BMF: variants seen among roughly 807,000 people sequenced by gnomAD.
BMF encodes the protein Bcl2 modifying factor, also known as bcl-2-modifying factor.
A neutral mutation model predicts 22.0 loss-of-function variants in BMF; 10 were observed. The ratio of observed to expected loss-of-function variants is 0.45; its 90% CI spans 0.28 to 0.77. The LOEUF is 0.77. Ranked by LOEUF, BMF falls within the 30% of genes least tolerant of loss-of-function variation. The pLI, the probability that BMF is intolerant of heterozygous loss-of-function variation, is 0.13. For missense variants in BMF, 206 were observed against 226.8 expected, an observed-to-expected ratio of 0.91 and a Z score of 0.59; for synonymous variants, 87 against 88.1, an observed-to-expected ratio of 0.99 and a Z score of 0.07.
Position 40,104,297 on chromosome 15 carries a change from T to G in BMF, c.336A>C (p.Ala112=). ...GGGGCTGCTCCCCAATGGGCAAGAC[T>G]GCTGGGAAACTGGCAGGGAGAGGAA... ...YRLPLPASFP[A]VLPIGEQPPE... The change falls in exon 4 of 5, where the codon GCA becomes GCC. Residue 112 remains alanine, a synonymous_variant. Transcript: ENST00000354670. 6.2e-7 allele frequency: 1 copy of G among 1,614,226 alleles called. No homozygotes were observed. The highest frequency in any genetic ancestry group is 8.5e-7 in the Non-Finnish European group (1 of 1,180,034).
Position 40,106,095 on chromosome 15 carries a change from T to C in BMF, c.-5-4A>G. 6.3e-7 allele frequency: 1 copy of C among 1,587,050 alleles called. No individual in the cohort carries two copies. The highest frequency in any genetic ancestry group is 8.6e-7 in the Non-Finnish European group (1 of 1,165,490). The stretch of plus-strand genomic sequence containing the variant: ...CACTGAGATGGCTCCATCTCTCCTG[T>C]GAGGGGGCAACGCAGGCATCTGGGC... On this transcript the variant is annotated splice_polypyrimidine_tract_variant and splice_region_variant and intron_variant, in intron 2 of 4. Coordinates refer to ENST00000354670, the MANE Select transcript of BMF (RefSeq NM_001003940.2). The surrounding 1 kb of genome is among the most constrained non-coding windows in gnomAD (Gnocchi z 4.1).
chr15:40,095,193 C>T lies in BMF; in HGVS notation c.454-3305G>A, dbSNP rs149678446. Among the ~76,000 whole-genome samples the T allele has an allele frequency of 6.0e-3, 912 of 152,370 alleles. 11 individuals are homozygous for T. Among genetic ancestry groups the T allele is most frequent in the African/African-American group, 0.021 (876 of 41,572 alleles). The stretch of plus-strand genomic sequence containing the variant: ...CCTTTGGCCTTCTCCCGCCTCAGGG[C>T]AGCCCTCACAAGACCCTTTTCCATG... On this transcript the variant is annotated intron_variant, in intron 4 of 4. Coordinates refer to ENST00000354670, the MANE Select transcript of BMF (RefSeq NM_001003940.2).
chr15:40,092,494 C>T (rs931034078), intron 4 of BMF, among the ~76,000 whole-genome samples: 3 of 152,182 alleles, frequency 2.0e-5, no homozygotes, highest in African/African-American at 7.2e-5. Context: ...CGCCCGCCCG[C>T]TCTCCCTCCC....
chr15:40,091,459 C>T lies in BMF; in HGVS notation c.*328G>A, dbSNP rs1369648288. 4.3e-6 allele frequency: 1 copy of T among 230,282 alleles called. No individual in the cohort carries two copies. The highest frequency in any genetic ancestry group is 8.6e-6 in the Non-Finnish European group (1 of 116,672). 14.3% of individuals were successfully genotyped at this position (230,282 alleles called of 1,614,324 possible). ...CCACAGTCCACTTCCCAGAGAACAT[C>T]ACTAACGGATCATCTTCGACAACTG... On this transcript the variant is annotated 3_prime_UTR_variant, in exon 5 of 5. Transcript: ENST00000354670.
rs1248032280 is a variant in BMF, at chr15:40,091,718, G to A, written c.*69C>T. On this transcript the variant is annotated 3_prime_UTR_variant, in exon 5 of 5. Transcript: ENST00000354670. ...AACAATTTCACAAGACACAGTGTCA[G>A]TCCTGCCCGATGTCCTTCCTGTTCC... 7.8e-6 allele frequency: 9 copies of A among 1,155,508 alleles called. 1 individual carries two copies. In the East Asian group the frequency reaches 2.0e-4, roughly 26 times the overall value. The allele number at this position is 1,155,508 out of a possible 1,614,324, so 71.6% of individuals were successfully genotyped here.
At position 40,088,442 on chromosome 15, in the gene BMF, G is replaced by C. The variant is rs184967660; in HGVS notation, c.*3345C>G. 6.6e-6 allele frequency: 1 copy of C among 152,418 alleles called. No individual in the cohort carries two copies. The highest frequency in any genetic ancestry group is 1.5e-5 in the Non-Finnish European group (1 of 68,094). The allele number at this position is 152,418 out of a possible 1,614,324, so 9.4% of individuals were successfully genotyped here. On this transcript the variant is annotated 3_prime_UTR_variant, in exon 5 of 5. Coordinates refer to ENST00000354670, the MANE Select transcript of BMF (RefSeq NM_001003940.2). Reference sequence around the variant, plus strand: ...CCAGGCCAGCACTGATTTGCAGAAGGCCTGCAGAGCCATGGTGACCAAAGT... The same window carrying C: ...CCAGGCCAGCACTGATTTGCAGAAGCCCTGCAGAGCCATGGTGACCAAAGT...
chr15:40,093,580 T>C (rs2036293249), intron 4 of BMF, among the ~76,000 whole-genome samples: 1 of 151,788 alleles, frequency 6.6e-6, no homozygotes, highest in South Asian at 2.1e-4. Context: ...AGACCCCCTC[T>C]CCTCCCCTCC....
intron 4 of BMF, among the ~76,000 whole-genome samples, chr15:40,100,056 A>C (rs1434302262): frequency 6.6e-6 from 1 of 152,240 alleles, no homozygotes; most frequent in Non-Finnish European, 1.5e-5. Flanking sequence ...TTCCAACATG[A>C]AGAATTCCAA....
chr15:40,098,727 G>T (rs1358134518), intron 4 of BMF, among the ~76,000 whole-genome samples: 1 of 151,726 alleles, frequency 6.6e-6, no homozygotes, highest in Non-Finnish European at 1.5e-5. Context: ...TTCTTTCTTT[G>T]TGTCTCCCTT....
Position 40,106,181 on chromosome 15 carries a change from C to G in BMF, c.-5-90G>C. Reference sequence around the variant, plus strand: ...CCTTCCCTTCTTCCTACCATACTCCCCCTTCTTATTTGAGCTGGCCGGACC... The same window carrying G: ...CCTTCCCTTCTTCCTACCATACTCCGCCTTCTTATTTGAGCTGGCCGGACC... On this transcript the variant is annotated intron_variant, in intron 2 of 4. Coordinates refer to ENST00000354670, the MANE Select transcript of BMF (RefSeq NM_001003940.2). This position sits in a 1 kb window ranked among gnomAD's most constrained non-coding sequence, Gnocchi z 4.1. The G allele has an allele frequency of 1.4e-6, 2 of 1,419,946 alleles. No homozygotes were observed. The highest frequency in any genetic ancestry group is 1.9e-6 in the Non-Finnish European group (2 of 1,069,562). 88.0% of individuals were successfully genotyped at this position (1,419,946 alleles called of 1,614,324 possible). A position where few individuals can be genotyped will look rare whatever the true frequency, so the allele number is the denominator to read the frequency against.
chr15:40,102,227 G>A (rs1250670046), intron 4 of BMF, among the ~76,000 whole-genome samples: 3 of 152,010 alleles, frequency 2.0e-5, no homozygotes, highest in East Asian at 1.9e-4. Context: ...TCAGGAGTTC[G>A]AGACCAGCCT....
At chr15:40,102,961 C>T (rs2036509524) in intron 4 of BMF, among the ~76,000 whole-genome samples, 1 of 152,198 alleles carries the variant, frequency 6.6e-6, no homozygotes, top group South Asian at 2.1e-4. Context: ...GGAGGACTTA[C>T]CAGGCCCAGA....
In BMF at chr15:40,091,794, G is replaced by A. The variant is rs1445578972; in HGVS notation, c.548C>T (p.Pro183Leu). ...NGEENRNGAG[P>L]R Reference sequence around the variant, plus strand: ...GAAGAGGGCAGCCCACCCTCACCTAGGGCCTGCCCCGTTCCTGTTCTCTTC... The same window carrying A: ...GAAGAGGGCAGCCCACCCTCACCTAAGGCCTGCCCCGTTCCTGTTCTCTTC... Residue 183 changes from proline (P) to leucine (L), a missense_variant, in exon 5 of 5, where the codon CCT (proline) becomes CTT (leucine). By Grantham distance (98) the Pro-to-Leu change is moderately conservative (BLOSUM62 -3). Transcript: ENST00000354670. 1.2e-6 allele frequency: 2 copies of A among 1,606,110 alleles called. No homozygotes were observed. The highest frequency in any genetic ancestry group is 1.3e-5 in the African/African-American group (1 of 74,698).
chr15:40,108,252 C>CACACACACACACA lies in BMF; in HGVS notation c.-6+6_-6+7insTGTGTGTGTGTGT, dbSNP rs1567037103. On this transcript the variant is annotated splice_region_variant and intron_variant, in intron 2 of 4. Coordinates refer to ENST00000354670, the MANE Select transcript of BMF (RefSeq NM_001003940.2). ...CACACACACACACACACACACACAC[C>CACACACACACACA]CCAGACCTGGGTGACTCCAGGAGAG... The CACACACACACACA allele has an allele frequency of 2.2e-5, 2 of 92,892 alleles. No individual in the cohort carries two copies. Among genetic ancestry groups the CACACACACACACA allele is most frequent in the South Asian group, 8.5e-4 (2 of 2,344 alleles). The allele number at this position is 92,892 out of a possible 1,614,324, so 5.8% of individuals were successfully genotyped here. A position where few individuals can be genotyped will look rare whatever the true frequency, so the allele number is the denominator to read the frequency against.
Position 40,089,468 on chromosome 15 carries a change from G to C in BMF, c.*2319C>G, listed in dbSNP as rs935367986. 1.3e-5 allele frequency: 2 copies of C among 152,260 alleles called. No homozygotes were observed. Among genetic ancestry groups the C allele is most frequent in the African/African-American group, 4.8e-5 (2 of 41,452 alleles). The allele number at this position is 152,260 out of a possible 1,614,324, so 9.4% of individuals were successfully genotyped here. A position where few individuals can be genotyped will look rare whatever the true frequency, so the allele number is the denominator to read the frequency against. On this transcript the variant is annotated 3_prime_UTR_variant, in exon 5 of 5. Transcript: ENST00000354670. ...AGACAGTGAGTGAGTTCCTGGCTTT[G>C]CATAAGATGGAGACAGTGCAGTCAG...
intron 4 of BMF, among the ~76,000 whole-genome samples, chr15:40,102,509 G>A (rs1313414415): frequency 2.0e-5 from 3 of 151,992 alleles, no homozygotes; most frequent in Non-Finnish European, 4.4e-5. Flanking sequence ...GGGCCCCCAG[G>A]ACTGTATCCT....
chr15:40,091,970 C>T (rs2036242528), intron 4 of BMF, 82 bp from the exon 5 acceptor site: 1 of 1,092,796 alleles, frequency 9.2e-7, no homozygotes. Flanking sequence ...AGTAAAAGTT[C>T]AGATCTCCAA....
At position 40,090,926 on chromosome 15, in the gene BMF, A is replaced by C. The variant is rs2036219000; in HGVS notation, c.*861T>G. On this transcript the variant is annotated 3_prime_UTR_variant, in exon 5 of 5. Transcript: ENST00000354670. ...CGGTCTGTCGGTGGGGTCTTTTGAA[A>C]GAAGAGCTGACAAAGGCACAGGCTG... 6.6e-6 allele frequency: 1 copy of C among 152,198 alleles called. No individual in the cohort carries two copies. Among genetic ancestry groups the C allele is most frequent in the Non-Finnish European group, 1.5e-5 (1 of 68,054 alleles). 9.4% of individuals were successfully genotyped at this position (152,198 alleles called of 1,614,324 possible).
chr15:40,103,412 A>T (rs1365866944), intron 4 of BMF, among the ~76,000 whole-genome samples: 1 of 152,220 alleles, frequency 6.6e-6, no homozygotes, highest in Non-Finnish European at 1.5e-5. Flanking sequence ...GACCCAGCCC[A>T]GACAGCGGCT....
Sources: allele counts gnomAD v4.1 joint callset (sites outside exome capture counted in the v4.1 genomes callset), GRCh38; gene constraint gnomAD v4.1.1; non-coding constraint Gnocchi (gnomAD v3.1); transcripts MANE v1.5; gene names NCBI Gene and HGNC (gene_info 2026-07-23, HGNC 2026-07-21).